LRRC4C: variants seen among roughly 807,000 people sequenced by gnomAD.
LRRC4C encodes leucine rich repeat containing 4C, also known as leucine-rich repeat-containing protein 4C.
In LRRC4C, 5 loss-of-function variants were observed where a neutral mutation model predicts 33.6. The observed-to-expected ratio is 0.15, with a 90% CI of 0.08 to 0.31. The LOEUF (loss-of-function observed/expected upper bound fraction) is 0.31, where lower values mean the gene tolerates loss of function less well. Among genes scored for constraint, LRRC4C ranks in the 10% least tolerant of loss-of-function variants. The pLI, the probability that LRRC4C is intolerant of heterozygous loss-of-function variation, is 1.00. For synonymous variants in LRRC4C, 329 were observed against 302.0 expected, an observed-to-expected ratio of 1.09 and a Z score of -0.93; for missense variants, 560 against 796.7, an observed-to-expected ratio of 0.70 and a Z score of 3.58.
intron 1 of LRRC4C, among the ~76,000 whole-genome samples, chr11:40,979,884 A>C (rs1852384375): frequency 6.6e-6 from 1 of 152,188 alleles, no homozygotes; most frequent in Non-Finnish European, 1.5e-5. Flanking sequence ...AATCTTATAG[A>C]CATATTTTAT....
chr11:40,126,643 T>A (rs1032913439), intron 6 of LRRC4C, among the ~76,000 whole-genome samples: 1 of 152,178 alleles, frequency 6.6e-6, no homozygotes, highest in Admixed American at 6.6e-5. Flanking sequence ...AATGTAGGCA[T>A]AGCTAATCAG....
intron 2 of LRRC4C, among the ~76,000 whole-genome samples, chr11:40,709,610 C>A (rs184737297): frequency 6.6e-6 from 1 of 152,054 alleles, no homozygotes; most frequent in Non-Finnish European, 1.5e-5. Flanking sequence ...GTGGGAAACT[C>A]GACTTTTCTC....
chr11:41,082,503 C>A (rs1386055380), intron 1 of LRRC4C, among the ~76,000 whole-genome samples: 1 of 148,842 alleles, frequency 6.7e-6, no homozygotes, highest in Middle Eastern at 3.7e-3. Flanking sequence ...TGACTTTGTG[C>A]CAAGCACTGA....
In LRRC4C at chr11:40,681,434, A is replaced by G. The variant is rs532285443; in HGVS notation, c.-406-33156T>C. 2.6e-5 allele frequency among the ~76,000 whole-genome samples: 4 copies of G among 152,298 alleles called. No homozygotes were observed. The South Asian group carries it at 8.3e-4, about 32-fold the overall frequency. On this transcript the variant is annotated intron_variant, in intron 2 of 6. Coordinates refer to ENST00000528697, the MANE Select transcript of LRRC4C (RefSeq NM_001258419.2). ...TCCAAAACATTGTACAGTGAATGGC[A>G]AATGTAATAGGGTGCTTATGTAGGA...
intron 3 of LRRC4C, among the ~76,000 whole-genome samples, chr11:40,401,898 T>C (rs1335381044): frequency 6.6e-6 from 1 of 152,082 alleles, no homozygotes; most frequent in Non-Finnish European, 1.5e-5. Flanking sequence ...GTATCTGCAG[T>C]AGTTTATATA....
At chr11:41,409,853 G>A (rs1954395590) in intron 1 of LRRC4C, among the ~76,000 whole-genome samples, 1 of 152,098 alleles carries the variant, frequency 6.6e-6, no homozygotes, top group South Asian at 2.1e-4. Flanking sequence ...CTGAATATTT[G>A]TATAGATAAT....
intron 1 of LRRC4C, among the ~76,000 whole-genome samples, chr11:41,048,638 C>T (rs1857977181): frequency 6.6e-6 from 1 of 152,062 alleles, no homozygotes; most frequent in African/African-American, 2.4e-5. Context: ...GTATAATGAT[C>T]AATATGTTAT....
At chr11:40,411,444 A>G (rs1443235660) in intron 3 of LRRC4C, among the ~76,000 whole-genome samples, 3 of 152,074 alleles carry the variant, frequency 2.0e-5, no homozygotes, top group African/African-American at 7.2e-5. Flanking sequence ...TAATAATACC[A>G]CATTTGCCTG....
intron 1 of LRRC4C, among the ~76,000 whole-genome samples, chr11:41,230,643 T>C (rs1947745669): frequency 6.6e-6 from 1 of 151,936 alleles, no homozygotes; most frequent in Admixed American, 6.6e-5. Context: ...TTTCCTTCTC[T>C]TTCTAAACCC....
chr11:40,693,627 G>T (rs1945332584), intron 2 of LRRC4C, among the ~76,000 whole-genome samples: 1 of 152,162 alleles, frequency 6.6e-6, no homozygotes, highest in Admixed American at 6.6e-5. Context: ...GGAGAGAGGT[G>T]AGCCAGATAA....
At chr11:41,346,132 C>A (rs1331047748) in intron 1 of LRRC4C, among the ~76,000 whole-genome samples, 1 of 152,104 alleles carries the variant, frequency 6.6e-6, no homozygotes, top group Non-Finnish European at 1.5e-5. Flanking sequence ...TATCAGGCCC[C>A]AAGGGAGTTT....
At chr11:40,401,873 T>C (rs1166721963) in intron 3 of LRRC4C, among the ~76,000 whole-genome samples, 2 of 152,152 alleles carry the variant, frequency 1.3e-5, no homozygotes, top group Non-Finnish European at 2.9e-5. Context: ...ATGTGTACTT[T>C]TCATGTTGTG....
chr11:41,452,025 T>C (rs1348034638), intron 1 of LRRC4C, among the ~76,000 whole-genome samples: 2 of 152,130 alleles, frequency 1.3e-5, no homozygotes, highest in African/African-American at 4.8e-5. Flanking sequence ...CTTTATTAGA[T>C]TGATTTTTTC....
chr11:40,886,965 T>TAC lies in LRRC4C; in HGVS notation c.-407+46669_-407+46670insGT, dbSNP rs1321481544. ...GTATATATACACGTGTGTGTATATATATACATATATATATATACGTGTATA... is the reference window on the plus strand; with the variant it reads ...GTATATATACACGTGTGTGTATATATACATACATATATATATATACGTGTATA... On this transcript the variant is annotated intron_variant, in intron 2 of 6. Coordinates refer to ENST00000528697, the MANE Select transcript of LRRC4C (RefSeq NM_001258419.2). Among the ~76,000 whole-genome samples, 214 of 147,386 alleles carry TAC rather than the reference T, an allele frequency of 1.5e-3. 1 individual carries two copies. Among genetic ancestry groups the TAC allele is most frequent in the South Asian group, 3.6e-3 (17 of 4,756 alleles).
chr11:40,504,124 C>A (rs1442420412), intron 3 of LRRC4C, among the ~76,000 whole-genome samples: 1 of 152,082 alleles, frequency 6.6e-6, no homozygotes, highest in Non-Finnish European at 1.5e-5. Flanking sequence ...AACTGCAAAT[C>A]TTCCATTTAG....
intron 5 of LRRC4C, among the ~76,000 whole-genome samples, chr11:40,146,742 G>A (rs1227788341): frequency 2.6e-5 from 4 of 152,154 alleles, no homozygotes; most frequent in Non-Finnish European, 5.9e-5. Context: ...TTTCTGAATT[G>A]GACTAGGACA....
chr11:41,258,005 G>T (rs1038629428), intron 1 of LRRC4C, among the ~76,000 whole-genome samples: 1 of 151,846 alleles, frequency 6.6e-6, no homozygotes, highest in Non-Finnish European at 1.5e-5. Flanking sequence ...AGAAAGAAAA[G>T]CCTCATGAGC....
chr11:41,166,253 C>T (rs924684442), intron 1 of LRRC4C, among the ~76,000 whole-genome samples: 2 of 152,166 alleles, frequency 1.3e-5, no homozygotes, highest in African/African-American at 4.8e-5. Flanking sequence ...GTTTGGTCTT[C>T]AATGCCTGAT....
At chr11:40,961,134 G>T (rs1375715483) in intron 1 of LRRC4C, among the ~76,000 whole-genome samples, 1 of 151,670 alleles carries the variant, frequency 6.6e-6, no homozygotes, top group Non-Finnish European at 1.5e-5. Flanking sequence ...ATTTGGAAAA[G>T]GTTCAGCTGT....
Sources: gnomAD v4.1 joint callset for allele counts (sites outside exome capture counted in the v4.1 genomes callset) on GRCh38, gnomAD v4.1.1 for gene constraint, MANE v1.5 for transcripts, NCBI Gene and HGNC (gene_info 2026-07-23, HGNC 2026-07-21) for gene names.